The following HIVEP3 variants were observed in gnomAD, a reference collection of about 807,000 sequenced individuals.
HIVEP3 encodes transcription factor HIVEP3.
Under a neutral mutation model 152.8 loss-of-function variants are expected in HIVEP3, and 49 were observed. The ratio of observed to expected loss-of-function variants is 0.32; its 90% CI spans 0.26 to 0.41. The LOEUF is 0.41. Ranked by LOEUF, HIVEP3 falls within the 10% of genes least tolerant of loss-of-function variation. HIVEP3 has a pLI of 1.00. For missense variants in HIVEP3, 2,790 were observed against 3,103.3 expected (o/e 0.90, Z 2.40); for synonymous variants, 1,269 against 1,289.0 (o/e 0.98, Z 0.33).
intron 1 of HIVEP3, among the ~76,000 whole-genome samples, chr1:41,735,920 A>C (rs766449844): frequency 6.6e-6 from 1 of 152,102 alleles, no homozygotes; most frequent in African/African-American, 2.4e-5. Context: ...CTGGGGGAAG[A>C]AGGAAGAGGA....
At chr1:41,829,669 T>TA (rs2124354456) in intron 1 of HIVEP3, among the ~76,000 whole-genome samples, 1 of 151,880 alleles carries the variant, frequency 6.6e-6, no homozygotes, top group South Asian at 2.1e-4. Flanking sequence ...ACCTAGCACA[T>TA]ACAAACTGAT....
At chr1:41,864,861 T>C (rs1643940523) in intron 1 of HIVEP3, among the ~76,000 whole-genome samples, 2 of 152,244 alleles carry the variant, frequency 1.3e-5, no homozygotes, top group Admixed American at 1.3e-4. Flanking sequence ...GCTGGCTGCC[T>C]CTGACTCTCA....
At position 41,582,765 on chromosome 1, in the gene HIVEP3, C is replaced by T. The variant is rs759547323; in HGVS notation, c.2033G>A (p.Gly678Asp). The change falls in exon 4 of 9, where the codon GGC (glycine) becomes GAC (aspartate). Residue 678 changes from glycine (G) to aspartate (D), a missense_variant. Coordinates refer to ENST00000372583, the MANE Select transcript of HIVEP3 (RefSeq NM_024503.5). The surrounding 1 kb of genome is among the most constrained non-coding windows in gnomAD (Gnocchi z 4.7). ...ELQIAKPISA[G>D]THTSPEAEKS... is the part of the protein sequence containing the mutation. ...TTCAGCTTCTGGAGATGTGTGGGTG[C>T]CTGCAGAGATGGGCTTTGCGATCTG... 6.8e-6 allele frequency: 11 copies of T among 1,614,030 alleles called. No individual in the cohort carries two copies. In the African/African-American group the frequency reaches 8.0e-5, roughly 12 times the overall value.
chr1:41,765,594 G>A (rs1392492292), intron 1 of HIVEP3, among the ~76,000 whole-genome samples: 10 of 152,140 alleles, frequency 6.6e-5, no homozygotes, highest in African/African-American at 2.4e-4. Flanking sequence ...TTTTGTATTT[G>A]AGTCTCAAAT....
At chr1:41,757,091 A>AATTATTATTATTATTATTATTATTATT (rs147789740) in intron 1 of HIVEP3, among the ~76,000 whole-genome samples, 2 of 136,540 alleles carry the variant, frequency 1.5e-5, no homozygotes, top group Admixed American at 7.4e-5. Context: ...GTCTCTAAAA[A>AATTATTATTATTATTATTATTATTATT]ATTATTATTA....
At chr1:41,831,574 T>C (rs772419730) in intron 1 of HIVEP3, among the ~76,000 whole-genome samples, 14 of 152,204 alleles carry the variant, frequency 9.2e-5, no homozygotes, top group Admixed American at 2.0e-4. Flanking sequence ...CTAGAAAAAC[T>C]TTCATGTGAG....
intron 1 of HIVEP3, among the ~76,000 whole-genome samples, chr1:41,993,582 T>G (rs866744330): frequency 4.9e-4 from 74 of 152,268 alleles, no homozygotes; most frequent in Middle Eastern, 6.8e-3. Context: ...CATTGTGGAA[T>G]TCAGTGCGGC....
At chr1:41,760,613 A>T (rs1211981375) in intron 1 of HIVEP3, among the ~76,000 whole-genome samples, 1 of 152,230 alleles carries the variant, frequency 6.6e-6, no homozygotes, top group Non-Finnish European at 1.5e-5. Flanking sequence ...TGAATAAATG[A>T]AAGAAAACAT....
At chr1:41,681,481 C>T (rs710247) in intron 2 of HIVEP3, among the ~76,000 whole-genome samples, 1,739 of 152,324 alleles carry the variant, frequency 0.011, 24 homozygotes, top group African/African-American at 0.04. Context: ...GATGTGCCCT[C>T]TCCCCGGCAG....
At chr1:41,998,887 C>CTTTTTTTTTTTTTTTTTTTTTTTT (rs1184823372) in intron 1 of HIVEP3, among the ~76,000 whole-genome samples, 1 of 77,310 alleles carries the variant, frequency 1.3e-5, no homozygotes, top group Non-Finnish European at 2.3e-5. Flanking sequence ...TTTTCTCTCT[C>CTTTTTTTTTTTTTTTTTTTTTTTT]TCTTTTTTTT....
At chr1:41,815,407 GC>G (rs2124333861) in intron 1 of HIVEP3, among the ~76,000 whole-genome samples, 1 of 152,330 alleles carries the variant, frequency 6.6e-6, no homozygotes, top group East Asian at 1.9e-4. Flanking sequence ...GGAGTTTGAG[GC>G]TGCAGTGAGC....
chr1:41,511,384 G>T lies in HIVEP3; in HGVS notation c.6406-118C>A. On this transcript the variant is annotated intron_variant, in intron 8 of 8. Transcript: ENST00000372583. The surrounding 1 kb of genome is among the most constrained non-coding windows in gnomAD (Gnocchi z 4.9). ...GATCACAGAGCGAGTCCAGGGTCCCGGCTGAGCTGAGCCCAGAACCAAGTT... is the reference window on the plus strand; with the variant it reads ...GATCACAGAGCGAGTCCAGGGTCCCTGCTGAGCTGAGCCCAGAACCAAGTT... 1 of 958,864 alleles carries T rather than the reference G, an allele frequency of 1.0e-6. No homozygotes were observed. The highest frequency in any genetic ancestry group is 1.5e-6 in the Non-Finnish European group (1 of 662,994). The allele number at this position is 958,864 out of a possible 1,614,324, so 59.4% of individuals were successfully genotyped here.
At chr1:41,726,005 G>T (rs1487678119) in intron 1 of HIVEP3, among the ~76,000 whole-genome samples, 1 of 152,204 alleles carries the variant, frequency 6.6e-6, no homozygotes, top group Non-Finnish European at 1.5e-5. Flanking sequence ...AGCAGTCATT[G>T]TCTGCAATCA....
At chr1:41,603,253 C>T (rs935635580) in intron 3 of HIVEP3, among the ~76,000 whole-genome samples, 1 of 151,754 alleles carries the variant, frequency 6.6e-6, no homozygotes, top group East Asian at 1.9e-4. Flanking sequence ...TCTTTAGTAG[C>T]GATGTGGTTT....
chr1:41,801,900 G>C (rs1326656976), intron 1 of HIVEP3, among the ~76,000 whole-genome samples: 3 of 152,178 alleles, frequency 2.0e-5, no homozygotes, highest in Non-Finnish European at 4.4e-5. Context: ...GACAATGAGG[G>C]AATTGCAGGA....
intron 6 of HIVEP3, among the ~76,000 whole-genome samples, chr1:41,522,734 C>T (rs1457141928): frequency 6.6e-6 from 1 of 152,210 alleles, no homozygotes; most frequent in African/African-American, 2.4e-5. Context: ...TGCTAGGGAC[C>T]CAAGGCAAAG....
At chr1:41,906,410 C>A (rs1644711378) in intron 1 of HIVEP3, among the ~76,000 whole-genome samples, 1 of 152,076 alleles carries the variant, frequency 6.6e-6, no homozygotes, top group African/African-American at 2.4e-5. Context: ...CTCAAAAGCA[C>A]CATGCTAAGA....
At chr1:41,607,741 C>T (rs1644841620) in intron 3 of HIVEP3, among the ~76,000 whole-genome samples, 1 of 152,166 alleles carries the variant, frequency 6.6e-6, no homozygotes, top group South Asian at 2.1e-4. Flanking sequence ...GGTTCTAGCT[C>T]CTATAACAAG....
intron 1 of HIVEP3, among the ~76,000 whole-genome samples, chr1:41,807,972 A>C (rs1444013353): frequency 6.6e-6 from 1 of 152,140 alleles, no homozygotes; most frequent in Non-Finnish European, 1.5e-5. Flanking sequence ...TTTCCTTATA[A>C]CTTGGACCCC....
Sources: gnomAD v4.1 joint callset for allele counts (sites outside exome capture counted in the v4.1 genomes callset) on GRCh38, gnomAD v4.1.1 for gene constraint, Gnocchi (gnomAD v3.1) non-coding constraint, MANE v1.5 for transcripts, NCBI Gene and HGNC (gene_info 2026-07-23, HGNC 2026-07-21) for gene names.